Variants in PLCB1 observed in about 807,000 individuals in gnomAD.
PLCB1 encodes the protein 1-phosphatidylinositol 4,5-bisphosphate phosphodiesterase beta-1.
In PLCB1, 46 loss-of-function variants were observed where a neutral mutation model predicts 161.8. The observed-to-expected ratio is 0.28, with a 90% CI of 0.22 to 0.36. PLCB1 has a LOEUF of 0.36. Among genes scored for constraint, PLCB1 ranks in the 10% least tolerant of loss-of-function variants. The pLI is 1.00. For synonymous variants in PLCB1, 517 were observed against 503.7 expected, an observed-to-expected ratio of 1.03 and a Z score of -0.35; for missense variants, 1,016 against 1,472.5, an observed-to-expected ratio of 0.69 and a Z score of 5.07.
intron 4 of PLCB1, among the ~76,000 whole-genome samples, chr20:8,636,353 T>C (rs1299814795): frequency 6.6e-6 from 1 of 152,208 alleles, no homozygotes; most frequent in African/African-American, 2.4e-5. Context: ...ACTGTGTCAA[T>C]ACATTGCACT....
intron 3 of PLCB1, among the ~76,000 whole-genome samples, chr20:8,444,633 C>T (rs1980730746): frequency 6.6e-6 from 1 of 152,214 alleles, no homozygotes; most frequent in Non-Finnish European, 1.5e-5. Context: ...CACTGTCTTC[C>T]ACAATGGTTG....
At chr20:8,345,610 C>A (rs529747081) in intron 2 of PLCB1, among the ~76,000 whole-genome samples, 1 of 152,228 alleles carries the variant, frequency 6.6e-6, no homozygotes, top group Admixed American at 6.5e-5. Context: ...GCACTTGACC[C>A]CTTAGATGCC....
At chr20:8,820,381 G>A (rs1192896659) in intron 31 of PLCB1, among the ~76,000 whole-genome samples, 1 of 151,934 alleles carries the variant, frequency 6.6e-6, no homozygotes, top group Non-Finnish European at 1.5e-5. Flanking sequence ...CATATAAATA[G>A]GCTCAAGCTC....
intron 4 of PLCB1, among the ~76,000 whole-genome samples, chr20:8,632,034 G>GTTTTTTTT (rs750797408): frequency 1.2e-5 from 1 of 81,750 alleles, no homozygotes; most frequent in Non-Finnish European, 2.6e-5. Context: ...GGTTTTTTTT[G>GTTTTTTTT]CTTTTTTTTT....
intron 2 of PLCB1, among the ~76,000 whole-genome samples, chr20:8,198,735 G>A (rs2052056477): frequency 6.6e-6 from 1 of 151,968 alleles, no homozygotes; most frequent in African/African-American, 2.4e-5. Flanking sequence ...AGTGCTAATG[G>A]CTGGTTTCTC....
chr20:8,582,214 G>A (rs1389126042), intron 3 of PLCB1, among the ~76,000 whole-genome samples: 1 of 152,128 alleles, frequency 6.6e-6, no homozygotes, highest in African/African-American at 2.4e-5. Context: ...CCTTTACCTA[G>A]GGAGTGCACT....
At chr20:8,572,725 T>A (rs973383489) in intron 3 of PLCB1, among the ~76,000 whole-genome samples, 6 of 152,182 alleles carry the variant, frequency 3.9e-5, no homozygotes, top group Non-Finnish European at 7.3e-5. Flanking sequence ...AGCTCAAAGA[T>A]AAAATGATGG....
intron 3 of PLCB1, among the ~76,000 whole-genome samples, chr20:8,400,664 T>G (rs1445872427): frequency 6.6e-6 from 1 of 152,212 alleles, no homozygotes; most frequent in Non-Finnish European, 1.5e-5. Context: ...AACTTAGCAA[T>G]TTGTTGCAGA....
At chr20:8,876,874 C>T (rs1418375480) in intron 31 of PLCB1, among the ~76,000 whole-genome samples, 5 of 152,148 alleles carry the variant, frequency 3.3e-5, no homozygotes, top group African/African-American at 1.2e-4. Flanking sequence ...CAGAAGCACA[C>T]AAGGCCTTGT....
At chr20:8,266,968 C>T (rs749872608) in intron 2 of PLCB1, among the ~76,000 whole-genome samples, 115 of 148,794 alleles carry the variant, frequency 7.7e-4, no homozygotes, top group African/African-American at 2.3e-3. Flanking sequence ...ACCTGGGAGG[C>T]GGAGGGTGCA....
At chr20:8,611,685 C>T (rs147591596) in intron 3 of PLCB1, among the ~76,000 whole-genome samples, 3 of 152,184 alleles carry the variant, frequency 2.0e-5, no homozygotes, top group East Asian at 3.9e-4. Flanking sequence ...TTTTATTGAC[C>T]GTGCAGGAAA....
chr20:8,630,478 TTCTC>T (rs888264144), intron 4 of PLCB1, among the ~76,000 whole-genome samples: 10 of 152,242 alleles, frequency 6.6e-5, no homozygotes, highest in Non-Finnish European at 1.3e-4. Context: ...AGAATCTACT[TTCTC>T]TCTTTATAAG....
chr20:8,537,058 C>A (rs764139121), intron 3 of PLCB1, among the ~76,000 whole-genome samples: 1 of 152,138 alleles, frequency 6.6e-6, no homozygotes, highest in East Asian at 1.9e-4. Flanking sequence ...ATGGCAAATT[C>A]ATACGGGTCT....
At position 8,882,611 on chromosome 20, in the gene PLCB1, C is replaced by CAA. The variant is rs1320139800; in HGVS notation, c.*764_*765dup. The CAA allele has an allele frequency of 6.6e-6, 1 of 152,604 alleles. No individual in the cohort carries two copies. The highest frequency in any genetic ancestry group is 2.4e-5 in the African/African-American group (1 of 41,442). The allele number at this position is 152,604 out of a possible 1,614,324, so 9.5% of individuals were successfully genotyped here. The stretch of plus-strand genomic sequence containing the variant: ...GCTGTTTGAATTGACTATTTGCACT[C>CAA]AAAGTCTGGGTATTCATTGGTTATT... On this transcript the variant is annotated 3_prime_UTR_variant, in exon 32 of 32. Coordinates refer to ENST00000338037, the MANE Select transcript of PLCB1 (RefSeq NM_015192.4).
rs1990243758 is a variant in PLCB1, at chr20:8,682,363, A to ATGG, written c.863-2563_863-2561dup. 2.0e-5 allele frequency among the ~76,000 whole-genome samples: 3 copies of ATGG among 152,262 alleles called. No homozygotes were observed. The South Asian group carries it at 6.2e-4, about 32-fold the overall frequency. ...CACAGAGAAAAAAAATTACCTGGGC[A>ATGG]TGGTGGTGCATGCCTATGGTCCCAG... On this transcript the variant is annotated intron_variant, in intron 9 of 31. Transcript: ENST00000338037.
At chr20:8,280,529 T>C (rs912510680) in intron 2 of PLCB1, among the ~76,000 whole-genome samples, 5 of 152,132 alleles carry the variant, frequency 3.3e-5, no homozygotes, top group African/African-American at 1.2e-4. Context: ...CAAAATGACC[T>C]GGATCAAATG....
intron 31 of PLCB1, among the ~76,000 whole-genome samples, chr20:8,806,246 G>A (rs1355739165): frequency 6.6e-6 from 1 of 152,102 alleles, no homozygotes; most frequent in Non-Finnish European, 1.5e-5. Context: ...GAGGTGGGCA[G>A]CTGTTTTCCG....
intron 31 of PLCB1, among the ~76,000 whole-genome samples, chr20:8,869,730 C>T (rs1254944416): frequency 6.6e-6 from 1 of 152,164 alleles, no homozygotes; most frequent in Non-Finnish European, 1.5e-5. Context: ...CTGATCTTGG[C>T]TGAGTGTGGC....
intron 2 of PLCB1, among the ~76,000 whole-genome samples, chr20:8,207,789 C>T (rs796083590): frequency 6.6e-6 from 1 of 152,162 alleles, no homozygotes; most frequent in African/African-American, 2.4e-5. Context: ...CTCTGTTGTC[C>T]AGGCTGATCT....
Sources: gnomAD v4.1 joint callset for allele counts (sites outside exome capture counted in the v4.1 genomes callset) on GRCh38, gnomAD v4.1.1 for gene constraint, MANE v1.5 for transcripts, NCBI Gene and HGNC (gene_info 2026-07-23, HGNC 2026-07-21) for gene names.